CD36: variants seen among roughly 807,000 people sequenced by gnomAD.
The protein encoded by CD36 is CD36 molecule (CD36 blood group).
In CD36, 119 loss-of-function variants were observed where a neutral mutation model predicts 55.2. That is an observed-to-expected ratio of 2.15 (90% CI 1.86 to 2.51). The LOEUF (loss-of-function observed/expected upper bound fraction) is 2.51, where lower values mean the gene tolerates loss of function less well. Among genes scored for constraint, CD36 ranks in the 30% most tolerant of loss-of-function variants. CD36 has a pLI of 0.00. For synonymous variants in CD36, 186 were observed against 193.6 expected (o/e 0.96, Z 0.33); for missense variants, 819 against 555.5 (o/e 1.47, Z -4.77).
intron 3 of CD36, among the ~76,000 whole-genome samples, chr7:80,650,166 C>A (rs567840915): frequency 1.7e-4 from 26 of 152,090 alleles, no homozygotes; most frequent in Admixed American, 4.6e-4. Context: ...TAAAAACTGT[C>A]AAATGACAGT....
At chr7:80,665,030 C>T (rs1218627250) in intron 7 of CD36, among the ~76,000 whole-genome samples, 1 of 151,950 alleles carries the variant, frequency 6.6e-6, no homozygotes, top group African/African-American at 2.4e-5. Flanking sequence ...TGCAAATAGT[C>T]TTTAATAATT....
chr7:80,652,100 T>C (rs1026429319), intron 3 of CD36, among the ~76,000 whole-genome samples: 3 of 151,840 alleles, frequency 2.0e-5, no homozygotes, highest in Non-Finnish European at 4.4e-5. Context: ...TTATATTTAA[T>C]AACGTAAGAA....
chr7:80,673,217 AT>A, intron 12 of CD36, 137 bp from the exon 13 acceptor site: 1 of 545,888 alleles, frequency 1.8e-6, no homozygotes, highest in South Asian at 3.0e-5. Context: ...AAAAACAACT[AT>A]ATTAAAATTT....
At position 80,656,636 on chromosome 7, in the gene CD36, C is replaced by T; in HGVS notation, c.217C>T (p.Pro73Ser). 1 of 1,613,700 alleles carries T rather than the reference C, an allele frequency of 6.2e-7. No individual in the cohort carries two copies. The highest frequency in any genetic ancestry group is 1.3e-5 in the African/African-American group (1 of 74,996). Residue 73 changes from proline to serine, a missense_variant, in exon 4 of 15, where the codon CCA becomes TCA. Transcript: ENST00000447544. ...RQFWIFDVQN[P>S]QEVMMNSSNI... ...GTTTTGGATCTTTGATGTGCAAAAT[C>T]CACAGGAAGTGATGATGAACAGCAG...
At chr7:80,670,483 A>G (rs1024772738) in intron 9 of CD36, 2 of 226,020 alleles carry the variant, frequency 8.8e-6, no homozygotes, top group Non-Finnish European at 1.8e-5. Context: ...TATCTGTACA[A>G]TTTAAGACAG....
At chr7:80,628,276 CA>C (rs1793862300) in intron 1 of CD36, among the ~76,000 whole-genome samples, 1 of 152,000 alleles carries the variant, frequency 6.6e-6, no homozygotes, top group African/African-American at 2.4e-5. Context: ...TAATGCTAAA[CA>C]CTACCAGCAT....
At chr7:80,613,924 C>T (rs1793011716) in intron 1 of CD36, among the ~76,000 whole-genome samples, 1 of 151,934 alleles carries the variant, frequency 6.6e-6, no homozygotes, top group Non-Finnish European at 1.5e-5. Flanking sequence ...AGCTAATGTG[C>T]TTTTGGGTGT....
chr7:80,669,221 G>A (rs1237358666), intron 8 of CD36, among the ~76,000 whole-genome samples: 3 of 151,996 alleles, frequency 2.0e-5, no homozygotes, highest in African/African-American at 7.2e-5. Context: ...CTTTTATTTT[G>A]TACCATTAAA....
intron 1 of CD36, among the ~76,000 whole-genome samples, chr7:80,603,627 G>A (rs976717372): frequency 1.3e-5 from 2 of 152,128 alleles, no homozygotes; most frequent in Admixed American, 1.3e-4. Flanking sequence ...CTAATTATTT[G>A]GAATCTGATA....
At chr7:80,663,513 T>C (rs1584428672) in intron 6 of CD36, among the ~76,000 whole-genome samples, 1 of 152,166 alleles carries the variant, frequency 6.6e-6, no homozygotes, top group African/African-American at 2.4e-5. Flanking sequence ...TCAAGTTTAA[T>C]ACCATATTTT....
At chr7:80,673,884 A>G in intron 13 of CD36, 99 bp from the exon 14 acceptor site, 2 of 868,340 alleles carry the variant, frequency 2.3e-6, no homozygotes, top group Admixed American at 1.9e-5. Context: ...GATGACTAAC[A>G]CCAATAGAGG....
chr7:80,669,916 A>G, intron 8 of CD36, 37 bp from the exon 9 acceptor site: 1 of 1,458,416 alleles, frequency 6.9e-7, no homozygotes, highest in Non-Finnish European at 9.6e-7. Context: ...TAGAACACAC[A>G]TTACATCTAA....
At chr7:80,652,087 GT>G (rs1795671762) in intron 3 of CD36, among the ~76,000 whole-genome samples, 1 of 151,700 alleles carries the variant, frequency 6.6e-6, no homozygotes, top group Non-Finnish European at 1.5e-5. Flanking sequence ...GGTAAAGTTT[GT>G]TTTATATTTA....
At position 80,677,163 on chromosome 7, in the gene CD36, AT is replaced by A. The variant is rs1377205113; in HGVS notation, c.*786del. ...ATTTCTACCACTTTGTTCTAGGCTA[AT>A]TTTTTAAGCTAATTGGATGAAGAAC... On this transcript the variant is annotated 3_prime_UTR_variant, in exon 15 of 15. Coordinates refer to ENST00000447544, the MANE Select transcript of CD36 (RefSeq NM_001001548.3). 1 of 152,106 alleles carries A rather than the reference AT, an allele frequency of 6.6e-6. No homozygotes were observed. The highest frequency in any genetic ancestry group is 1.5e-5 in the Non-Finnish European group (1 of 68,014). 9.4% of individuals were successfully genotyped at this position (152,106 alleles called of 1,614,324 possible).
chr7:80,672,025 C>T lies in CD36; in HGVS notation c.1110C>T (p.Tyr370=), dbSNP rs780637878. 30 of 1,606,662 alleles carry T rather than the reference C, an allele frequency of 1.9e-5. No homozygotes were observed. Among genetic ancestry groups the T allele is most frequent in the Non-Finnish European group, 2.4e-5 (28 of 1,174,570 alleles). ...CAAATGAAGAAGAACATAGGACATA[C>T]TTGGATATTGAACCTGTAAGAAAAC... The part of the protein sequence containing the change: ...LNPNEEEHRT[Y]LDIEPITGFT... Residue 370 remains tyrosine, a synonymous_variant, in exon 11 of 15, where the codon TAC becomes TAT. Transcript: ENST00000447544.
At chr7:80,639,853 T>G (rs1439756287) in intron 1 of CD36, 1 of 152,018 alleles carries the variant, frequency 6.6e-6, no homozygotes, top group Non-Finnish European at 1.5e-5. Context: ...GACTCATTAG[T>G]GAACCAGAAC....
chr7:80,662,800 A>T (rs1027020407), intron 5 of CD36, among the ~76,000 whole-genome samples, 190 bp from the exon 6 acceptor site: 1 of 152,164 alleles, frequency 6.6e-6, no homozygotes, highest in Non-Finnish European at 1.5e-5. Context: ...TGTGGCTGGC[A>T]CTGAGGCAAA....
intron 3 of CD36, among the ~76,000 whole-genome samples, chr7:80,648,674 G>A (rs3211816): frequency 0.31 from 46,269 of 151,688 alleles, 7,736 homozygotes; most frequent in South Asian, 0.46. Context: ...AAAAAATACC[G>A]AGACCTATGA....
intron 5 of CD36, among the ~76,000 whole-genome samples, chr7:80,661,962 G>T (rs1217624834): frequency 1.3e-5 from 2 of 152,128 alleles, no homozygotes; most frequent in Non-Finnish European, 2.9e-5. Context: ...AGGGCATTTG[G>T]TGCTCACCAT....
Sources: gnomAD v4.1 joint callset for allele counts (sites outside exome capture counted in the v4.1 genomes callset) on GRCh38, gnomAD v4.1.1 for gene constraint, MANE v1.5 for transcripts, NCBI Gene and HGNC (gene_info 2026-07-23, HGNC 2026-07-21) for gene names.